Variants in BRI3BP observed in about 807,000 individuals in gnomAD.
The protein encoded by BRI3BP is BRI3-binding protein.
In BRI3BP, 7 loss-of-function variants were observed where a neutral mutation model predicts 15.8. The observed-to-expected ratio is 0.44, with a 90% CI of 0.25 to 0.83. BRI3BP has a LOEUF of 0.83. Ranked by LOEUF, BRI3BP falls within the 40% of genes least tolerant of loss-of-function variation. BRI3BP has a pLI of 0.20. For missense variants in BRI3BP, 320 were observed against 339.3 expected (o/e 0.94, Z 0.45); for synonymous variants, 192 against 163.5 (o/e 1.17, Z -1.33).
Position 125,027,730 on chromosome 12 carries a change from C to G in BRI3BP, c.*2300C>G, listed in dbSNP as rs960520976. The G allele has an allele frequency of 2.0e-5, 3 of 152,094 alleles. No homozygotes were observed. The highest frequency in any genetic ancestry group is 4.4e-5 in the Non-Finnish European group (3 of 68,038). 9.4% of individuals were successfully genotyped at this position (152,094 alleles called of 1,614,324 possible). ...TTTGAGATGGAGTCTCACTGTCAACCAGGCTGGAGTGCAGTGGCACCATCT... is the reference window on the plus strand; with the variant it reads ...TTTGAGATGGAGTCTCACTGTCAACGAGGCTGGAGTGCAGTGGCACCATCT... On this transcript the variant is annotated 3_prime_UTR_variant, in exon 3 of 3. Coordinates refer to ENST00000341446, the MANE Select transcript of BRI3BP (RefSeq NM_080626.6).
downstream of BRI3BP, among the ~76,000 whole-genome samples, chr12:125,033,917 A>AT (rs1290504917): frequency 1.3e-5 from 2 of 149,884 alleles, no homozygotes; most frequent in Non-Finnish European, 3.0e-5. Flanking sequence ...TAATTTTTGT[A>AT]TTTTTTAGTA....
At chr12:125,005,828 C>T (rs111460482) in intron 1 of BRI3BP, among the ~76,000 whole-genome samples, 3 of 151,986 alleles carry the variant, frequency 2.0e-5, no homozygotes, top group East Asian at 3.9e-4. Flanking sequence ...GCATTTTCAC[C>T]GGATTTCTGC....
In BRI3BP at chr12:125,025,712, TTTATC is replaced by T; in HGVS notation, c.*284_*288del. The stretch of plus-strand genomic sequence containing the variant: ...ATATTTAGTTGTACAGTAAGAGAAA[TTTATC>T]TGTGCATAGAGCATAAAGTTAATTT... On this transcript the variant is annotated 3_prime_UTR_variant, in exon 3 of 3. Transcript: ENST00000341446. The T allele has an allele frequency of 2.6e-6, 1 of 378,902 alleles. No individual in the cohort carries two copies. Among genetic ancestry groups the T allele is most frequent in the Middle Eastern group, 7.0e-4 (1 of 1,432 alleles). 23.5% of individuals were successfully genotyped at this position (378,902 alleles called of 1,614,324 possible). A position where few individuals can be genotyped will look rare whatever the true frequency, so the allele number is the denominator to read the frequency against.
chr12:125,015,640 G>A (rs1955236084), intron 2 of BRI3BP, among the ~76,000 whole-genome samples: 1 of 152,224 alleles, frequency 6.6e-6, no homozygotes, highest in South Asian at 2.1e-4. Context: ...ATGGGGGAGT[G>A]GGGTCCACTG....
At chr12:125,016,963 C>A (rs370966016) in intron 2 of BRI3BP, among the ~76,000 whole-genome samples, 78 of 149,980 alleles carry the variant, frequency 5.2e-4, no homozygotes, top group African/African-American at 1.9e-3. Context: ...AGCTTCCCAA[C>A]TAGCTGGGAC....
At chr12:125,020,520 A>G (rs373631764) in intron 2 of BRI3BP, among the ~76,000 whole-genome samples, 26 of 152,366 alleles carry the variant, frequency 1.7e-4, no homozygotes, top group African/African-American at 6.0e-4. Context: ...TGTGGGGGAC[A>G]CAAATACTCA....
rs1228282533 is a variant in BRI3BP, at chr12:124,993,736, G to C, written c.-55G>C. ...CCTTGCCCTAGCCGGAGCCCGCTGC[G>C]GCCCAGCGCACGGCCCTCACCCCGC... On this transcript the variant is annotated 5_prime_UTR_variant, in exon 1 of 3. Coordinates refer to ENST00000341446, the MANE Select transcript of BRI3BP (RefSeq NM_080626.6). 3.2e-6 allele frequency: 3 copies of C among 948,746 alleles called. No homozygotes were observed. The African/African-American group carries it at 5.4e-5, about 17-fold the overall frequency. The allele number at this position is 948,746 out of a possible 1,614,324, so 58.8% of individuals were successfully genotyped here.
chr12:124,998,068 G>A (rs1415500972), intron 1 of BRI3BP, among the ~76,000 whole-genome samples: 1 of 151,336 alleles, frequency 6.6e-6, no homozygotes, highest in Non-Finnish European at 1.5e-5. Context: ...CCGTTGCAGT[G>A]AGCCAAGATT....
intron 1 of BRI3BP, among the ~76,000 whole-genome samples, chr12:125,001,440 A>C (rs1253221222): frequency 6.6e-6 from 1 of 152,012 alleles, no homozygotes; most frequent in Non-Finnish European, 1.5e-5. Flanking sequence ...GCTCGGTGCA[A>C]CCTCTGCCTC....
At chr12:125,037,489 T>C in the BRI3BP span, among the ~76,000 whole-genome samples, 3 of 152,130 alleles carry the variant, frequency 2.0e-5, no homozygotes, top group African/African-American at 7.2e-5. Flanking sequence ...GTCCCATCTG[T>C]CAGGAAATTA....
At chr12:125,022,541 A>ATTTATTTATTTATTTATTT in intron 2 of BRI3BP, among the ~76,000 whole-genome samples, 2,355 of 139,370 alleles carry the variant, frequency 0.017, 40 homozygotes, top group African/African-American at 0.025. Flanking sequence ...TTATTTATTT[A>ATTTATTTATTTATTTATTT]TTTTTTGAGA....
chr12:124,996,757 C>CTT lies in BRI3BP; in HGVS notation c.213+2770_213+2771dup, dbSNP rs35063111. Among the ~76,000 whole-genome samples the CTT allele has an allele frequency of 4.8e-3, 636 of 132,578 alleles. 9 individuals carry two copies. The highest frequency in any genetic ancestry group is 0.03 in the East Asian group (138 of 4,582). The allele number at this position is 132,578 out of a possible 152,430, so 87.0% of individuals were successfully genotyped here. A position where few individuals can be genotyped will look rare whatever the true frequency, so the allele number is the denominator to read the frequency against. On this transcript the variant is annotated intron_variant, in intron 1 of 2. Coordinates refer to ENST00000341446, the MANE Select transcript of BRI3BP (RefSeq NM_080626.6). ...GGTATTTAAAAAAACACCCCATAGT[C>CTT]TTTTTTTTTTTTTTTTTCCGAGATG...
chr12:125,017,672 C>T (rs1017245386), intron 2 of BRI3BP, among the ~76,000 whole-genome samples: 1 of 152,122 alleles, frequency 6.6e-6, no homozygotes, highest in Admixed American at 6.6e-5. Flanking sequence ...TCTAGATCTG[C>T]TGGCACAGAG....
At chr12:125,020,299 C>T (rs1354930148) in intron 2 of BRI3BP, among the ~76,000 whole-genome samples, 1 of 152,160 alleles carries the variant, frequency 6.6e-6, no homozygotes, top group African/African-American at 2.4e-5. Context: ...AAAATGAAGG[C>T]ACTGGCAGAT....
downstream of BRI3BP, among the ~76,000 whole-genome samples, chr12:125,031,967 G>A (rs1257535695): frequency 6.6e-6 from 1 of 152,100 alleles, no homozygotes; most frequent in Non-Finnish European, 1.5e-5. Context: ...GGTCGATAAG[G>A]GGACAATTTG....
intron 2 of BRI3BP, among the ~76,000 whole-genome samples, chr12:125,020,584 G>A (rs1955289899): frequency 6.6e-6 from 1 of 152,340 alleles, no homozygotes; most frequent in South Asian, 2.1e-4. Context: ...TGATAGCAAT[G>A]TTTTTAAATT....
chr12:125,016,825 CTTTTTTTTTTTTTTT>C (rs58016016), intron 2 of BRI3BP, among the ~76,000 whole-genome samples: 1 of 39,776 alleles, frequency 2.5e-5, no homozygotes, highest in Non-Finnish European at 4.5e-5. Context: ...TGCGCCCAGC[CTTTTTTTTTTTTTTT>C]TTTTTTTTTT....
chr12:125,043,868 G>T, the BRI3BP span, among the ~76,000 whole-genome samples: 27 of 151,726 alleles, frequency 1.8e-4, no homozygotes, highest in Non-Finnish European at 3.7e-4. Context: ...AAAATAAAAA[G>T]ATAAAAATTA....
At chr12:125,043,384 C>T in the BRI3BP span, among the ~76,000 whole-genome samples, 1,385 of 152,248 alleles carry the variant, frequency 9.1e-3, 10 homozygotes, top group Middle Eastern at 0.027. Flanking sequence ...CCCACAGAAC[C>T]GCTGCACAGT....
Sources: allele counts gnomAD v4.1 joint callset (sites outside exome capture counted in the v4.1 genomes callset), GRCh38; gene constraint gnomAD v4.1.1; transcripts MANE v1.5; gene names NCBI Gene and HGNC (gene_info 2026-07-23, HGNC 2026-07-21).